Variants in ANO2 observed in about 807,000 individuals in gnomAD.
ANO2 encodes the protein anoctamin-2.
A neutral mutation model predicts 124.2 loss-of-function variants in ANO2; 101 were observed. The ratio of observed to expected loss-of-function variants is 0.81; its 90% CI spans 0.69 to 0.96. The LOEUF (loss-of-function observed/expected upper bound fraction) is 0.96. Ranked by LOEUF, ANO2 falls within the 40% of genes least tolerant of loss-of-function variation. The pLI, the probability that ANO2 is intolerant of heterozygous loss-of-function variation, is 0.00. For synonymous variants in ANO2, 486 were observed against 482.5 expected (o/e 1.01, Z -0.09); for missense variants, 1,293 against 1,274.5 (o/e 1.01, Z -0.22).
rs1345099667 is a variant in ANO2 at position 5,750,971 on chromosome 12, C to T, written c.1056-1G>A. ...TCCAATTTTTTCTCCAAAATACTTTCTGGAAAAGAAAGAAAAGAAAATGAA... is the reference window on the plus strand; with the variant it reads ...TCCAATTTTTTCTCCAAAATACTTTTTGGAAAAGAAAGAAAAGAAAATGAA... On this transcript the variant is annotated splice_acceptor_variant, in intron 10 of 24. Coordinates refer to ENST00000682330, the MANE Select transcript of ANO2 (RefSeq NM_001364791.2). LOFTEE classifies it high-confidence loss of function. 2 of 1,591,060 alleles carry T rather than the reference C, an allele frequency of 1.3e-6. No homozygotes were observed. The highest frequency in any genetic ancestry group is 1.8e-5 in the Admixed American group (1 of 56,216).
chr12:5,806,594 G>A (rs1007931244), intron 8 of ANO2, among the ~76,000 whole-genome samples: 1 of 152,250 alleles, frequency 6.6e-6, no homozygotes, highest in African/African-American at 2.4e-5. Context: ...TGACCAGTCT[G>A]ATGAATAGTG....
intron 4 of ANO2, among the ~76,000 whole-genome samples, chr12:5,852,953 C>G (rs1171203106): frequency 6.6e-6 from 1 of 151,168 alleles, no homozygotes; most frequent in Non-Finnish European, 1.5e-5. Flanking sequence ...AGACCACCCA[C>G]AGTTCACCCA....
intron 3 of ANO2, among the ~76,000 whole-genome samples, chr12:5,916,481 T>A (rs963593939): frequency 1.1e-4 from 6 of 56,628 alleles, no homozygotes; most frequent in African/African-American, 1.9e-4. Flanking sequence ...AATAGAAAAA[T>A]CGCAGCAGGT....
intron 4 of ANO2, among the ~76,000 whole-genome samples, chr12:5,835,875 C>T (rs1479829262): frequency 6.6e-6 from 1 of 152,220 alleles, no homozygotes; most frequent in East Asian, 1.9e-4. Flanking sequence ...AGAAGACCAC[C>T]TCACACTGTC....
At chr12:5,575,575 T>A (rs1942350005) in intron 23 of ANO2, among the ~76,000 whole-genome samples, 1 of 152,226 alleles carries the variant, frequency 6.6e-6, no homozygotes, top group East Asian at 1.9e-4. Context: ...GCTACAAACT[T>A]GTACGGCATA....
At chr12:5,903,646 G>GGTGT (rs1565765265) in intron 3 of ANO2, among the ~76,000 whole-genome samples, 6 of 78,656 alleles carry the variant, frequency 7.6e-5, no homozygotes, top group African/African-American at 3.0e-4. Flanking sequence ...GATGTGCAAA[G>GGTGT]ATGTGTGTGT....
chr12:5,804,606 G>A (rs151054061), intron 9 of ANO2, among the ~76,000 whole-genome samples: 1 of 152,350 alleles, frequency 6.6e-6, no homozygotes, highest in African/African-American at 2.4e-5. Flanking sequence ...ACCAGGTGGA[G>A]TGGACCCTGA....
intron 14 of ANO2, among the ~76,000 whole-genome samples, chr12:5,688,061 G>C (rs1005357425): frequency 6.6e-6 from 1 of 152,126 alleles, no homozygotes; most frequent in Non-Finnish European, 1.5e-5. Context: ...ATCACCCCAC[G>C]CTCTCTTCTT....
intron 13 of ANO2, chr12:5,739,095 A>G (rs1362451177): frequency 3.0e-6 from 2 of 668,328 alleles, no homozygotes; most frequent in Admixed American, 4.1e-5. Context: ...ACCAGGCTCA[A>G]TGCCCTCCAG....
At chr12:5,745,660 T>C (rs1951244698) in intron 11 of ANO2, among the ~76,000 whole-genome samples, 1 of 152,174 alleles carries the variant, frequency 6.6e-6, no homozygotes, top group African/African-American at 2.4e-5. Context: ...GGCTTCTGTT[T>C]TTAATGAGCT....
In ANO2 at chr12:5,806,041, G is replaced by A; in HGVS notation, c.990+11C>T. The A allele has an allele frequency of 1.2e-6, 2 of 1,613,470 alleles. No individual in the cohort carries two copies. The highest frequency in any genetic ancestry group is 8.5e-7 in the Non-Finnish European group (1 of 1,179,654). On this transcript the variant is annotated intron_variant, in intron 9 of 24. Transcript: ENST00000682330. ...GCCCAAAGTCCAGGATGCTGCACGA[G>A]GCAGGCTTACCTTCCTGTCATTCAT...
At chr12:5,835,756 T>C (rs913502728) in intron 4 of ANO2, among the ~76,000 whole-genome samples, 1 of 152,222 alleles carries the variant, frequency 6.6e-6, no homozygotes, top group Non-Finnish European at 1.5e-5. Context: ...GCCTCTATTG[T>C]CGTAAGGTCT....
At chr12:5,800,684 T>C (rs1034314505) in intron 9 of ANO2, among the ~76,000 whole-genome samples, 3 of 152,136 alleles carry the variant, frequency 2.0e-5, no homozygotes, top group Non-Finnish European at 4.4e-5. Context: ...TTTACTGAAA[T>C]GTGGGAAGGA....
At chr12:5,866,223 G>A (rs1217927627) in intron 3 of ANO2, among the ~76,000 whole-genome samples, 1 of 152,200 alleles carries the variant, frequency 6.6e-6, no homozygotes, top group East Asian at 1.9e-4. Context: ...AGACTCTGGG[G>A]GATAACAGTG....
At chr12:5,747,194 C>T (rs1660203637) in intron 11 of ANO2, among the ~76,000 whole-genome samples, 2 of 152,194 alleles carry the variant, frequency 1.3e-5, no homozygotes, top group South Asian at 4.1e-4. Context: ...TAAAATTTTT[C>T]AAAATAAAAA....
At chr12:5,656,457 A>G (rs1418643497) in intron 14 of ANO2, among the ~76,000 whole-genome samples, 2 of 145,700 alleles carry the variant, frequency 1.4e-5, no homozygotes, top group Non-Finnish European at 3.0e-5. Context: ...ATTTCCTCCC[A>G]CACACTCACA....
chr12:5,796,548 CAA>C (rs1451680825), intron 10 of ANO2, among the ~76,000 whole-genome samples: 3 of 151,998 alleles, frequency 2.0e-5, no homozygotes, highest in African/African-American at 7.2e-5. Flanking sequence ...CTAACACACA[CAA>C]ACACTCTCAT....
At chr12:5,568,246 T>C (rs1227349140) in intron 23 of ANO2, among the ~76,000 whole-genome samples, 2 of 151,186 alleles carry the variant, frequency 1.3e-5, no homozygotes, top group African/African-American at 4.9e-5. Flanking sequence ...TTCACGCCAT[T>C]CTCCTGCCTC....
Position 5,884,829 on chromosome 12 carries a change from A to G in ANO2, c.535-30688T>C, listed in dbSNP as rs1022517085. On this transcript the variant is annotated intron_variant, in intron 3 of 24. Transcript: ENST00000682330. ...CCCACTCTCCTCCCACAGCATGATG[A>G]AGAAGGGCAAACACAGCCCCCAGCC... 1.1e-4 allele frequency among the ~76,000 whole-genome samples: 17 copies of G among 152,200 alleles called. 1 individual carries two copies. The highest frequency in any genetic ancestry group is 4.1e-4 in the African/African-American group (17 of 41,450).
Sources: allele counts gnomAD v4.1 joint callset (sites outside exome capture counted in the v4.1 genomes callset), GRCh38; gene constraint gnomAD v4.1.1; transcripts MANE v1.5; gene names NCBI Gene and HGNC (gene_info 2026-07-23, HGNC 2026-07-21).